The following PRKCQ variants were observed in gnomAD, a reference collection of about 807,000 sequenced individuals.
The protein encoded by PRKCQ is protein kinase C theta, also known as protein kinase C theta type.
A neutral mutation model predicts 91.2 loss-of-function variants in PRKCQ; 41 were observed. The ratio of observed to expected loss-of-function variants is 0.45; its 90% CI spans 0.35 to 0.58. PRKCQ has a LOEUF of 0.58. Among genes scored for constraint, PRKCQ ranks in the 20% least tolerant of loss-of-function variants. The pLI is 0.00. For synonymous variants in PRKCQ, 307 were observed against 316.9 expected (o/e 0.97, Z 0.33); for missense variants, 673 against 896.5 (o/e 0.75, Z 3.18).
chr10:6,502,564 T>G (rs1363462831), intron 4 of PRKCQ, among the ~76,000 whole-genome samples: 1 of 152,216 alleles, frequency 6.6e-6, no homozygotes, highest in Non-Finnish European at 1.5e-5. Context: ...AATTTGCAGA[T>G]GCTGGAACAC....
At chr10:6,492,896 C>T (rs1231034258) in intron 7 of PRKCQ, among the ~76,000 whole-genome samples, 1 of 152,224 alleles carries the variant, frequency 6.6e-6, no homozygotes, top group Non-Finnish European at 1.5e-5. Flanking sequence ...AGCAATAGAT[C>T]TAACGTTCCC....
rs534239659 is a variant in PRKCQ at position 6,488,942 on chromosome 10, C to T, written c.790+2741G>A. On this transcript the variant is annotated intron_variant, in intron 8 of 17. Transcript: ENST00000263125. ...CCACAGGCGTGCACACCACTACACCCGACTAATTTTTTTATTTTTCGTAGA... is the reference window on the plus strand; with the variant it reads ...CCACAGGCGTGCACACCACTACACCTGACTAATTTTTTTATTTTTCGTAGA... 4.6e-5 allele frequency among the ~76,000 whole-genome samples: 7 copies of T among 151,812 alleles called. No individual in the cohort carries two copies. In the East Asian group the frequency reaches 5.8e-4, roughly 13 times the overall value.
At chr10:6,420,565 C>G in the PRKCQ span, among the ~76,000 whole-genome samples, 150,509 of 152,342 alleles carry the variant, frequency 0.99, 74,367 homozygotes, top group East Asian at 1. Context: ...TATATCCTCT[C>G]AATAGCAGGT....
intron 1 of PRKCQ, among the ~76,000 whole-genome samples, chr10:6,521,889 T>TATGTTATGTTATGTG (rs869058903): frequency 6.5e-5 from 9 of 137,732 alleles, no homozygotes; most frequent in African/African-American, 2.6e-4. Context: ...TGATATGTAC[T>TATGTTATGTTATGTG]ATGTTATGTT....
chr10:6,496,153 T>G (rs930967757), intron 7 of PRKCQ, among the ~76,000 whole-genome samples: 16 of 144,020 alleles, frequency 1.1e-4, no homozygotes, highest in African/African-American at 4.3e-4. Flanking sequence ...AAGGTGGAAG[T>G]TGCAGTGAAC....
the PRKCQ span, among the ~76,000 whole-genome samples, chr10:6,419,191 CT>C: frequency 6.6e-6 from 1 of 151,058 alleles, no homozygotes; most frequent in Non-Finnish European, 1.5e-5. Context: ...GTCTATCTCT[CT>C]ATCTCTCTAT....
chr10:6,420,709 C>T, the PRKCQ span, among the ~76,000 whole-genome samples: 2 of 152,190 alleles, frequency 1.3e-5, no homozygotes, highest in East Asian at 1.9e-4. Context: ...TTGAAGACAT[C>T]GTTCCAGTGT....
chr10:6,467,261 TCTGGCCAC>T (rs1275660546), intron 12 of PRKCQ, among the ~76,000 whole-genome samples: 1 of 151,178 alleles, frequency 6.6e-6, no homozygotes, highest in Non-Finnish European at 1.5e-5. Flanking sequence ...CCGTTTAGGT[TCTGGCCAC>T]CTGCTGAGAG....
At chr10:6,444,759 C>T (rs1834164820) in intron 15 of PRKCQ, among the ~76,000 whole-genome samples, 1 of 151,970 alleles carries the variant, frequency 6.6e-6, no homozygotes. Context: ...TGGCGCTACT[C>T]GTATGACATG....
intron 10 of PRKCQ, 61 bp from the exon 11 acceptor site, chr10:6,483,661 T>G: frequency 6.4e-7 from 1 of 1,567,704 alleles, no homozygotes; most frequent in South Asian, 1.1e-5. Context: ...TTCTAGTTAC[T>G]GAGAGCACAT....
intron 14 of PRKCQ, among the ~76,000 whole-genome samples, chr10:6,460,882 C>A (rs1588694334): frequency 6.7e-6 from 1 of 149,952 alleles, no homozygotes; most frequent in Non-Finnish European, 1.5e-5. Context: ...TTACCCATCA[C>A]CCATCCATCC....
chr10:6,454,856 G>C (rs1329327207), intron 15 of PRKCQ, among the ~76,000 whole-genome samples: 3 of 152,144 alleles, frequency 2.0e-5, no homozygotes, highest in Non-Finnish European at 4.4e-5. Context: ...GAATCACGTG[G>C]AGACAAGCAC....
intron 1 of PRKCQ, among the ~76,000 whole-genome samples, chr10:6,575,442 A>T (rs546465785): frequency 6.6e-6 from 1 of 152,182 alleles, no homozygotes; most frequent in East Asian, 1.9e-4. Context: ...CTCAACAACT[A>T]CTCATTTCTG....
At chr10:6,433,506 C>T (rs1210146085) in intron 16 of PRKCQ, among the ~76,000 whole-genome samples, 8 of 152,018 alleles carry the variant, frequency 5.3e-5, no homozygotes, top group African/African-American at 1.4e-4. Flanking sequence ...CTGCAGATCA[C>T]GCATCTTCTA....
At chr10:6,532,289 G>A (rs1463578697) in intron 1 of PRKCQ, among the ~76,000 whole-genome samples, 1 of 152,190 alleles carries the variant, frequency 6.6e-6, no homozygotes, top group Non-Finnish European at 1.5e-5. Context: ...ATAATATGAA[G>A]AGATTAAAAG....
intron 11 of PRKCQ, 133 bp downstream of exon 11, chr10:6,483,307 G>A (rs994488911): frequency 8.9e-5 from 105 of 1,178,058 alleles, no homozygotes; most frequent in Admixed American, 1.1e-4. Context: ...TTTATTCAGC[G>A]CTCCCTCAGG....
In PRKCQ at chr10:6,453,353, T is replaced by A. The variant is rs529107299; in HGVS notation, c.1647+3321A>T. Among the ~76,000 whole-genome samples, 1,297 of 152,022 alleles carry A rather than the reference T, an allele frequency of 8.5e-3. 11 individuals carry two copies. The highest frequency in any genetic ancestry group is 0.03 in the African/African-American group (1,225 of 41,402). On this transcript the variant is annotated intron_variant, in intron 15 of 17. Coordinates refer to ENST00000263125, the MANE Select transcript of PRKCQ (RefSeq NM_006257.5). ...ATCACTGGCCATCAGAGAAATGCAATTCAAAACCACAATGAGATACCATCT... is the reference window on the plus strand; with the variant it reads ...ATCACTGGCCATCAGAGAAATGCAAATCAAAACCACAATGAGATACCATCT...
intron 12 of PRKCQ, among the ~76,000 whole-genome samples, chr10:6,467,385 CAGACAGAGAGAGAG>C (rs1564324330): frequency 3.3e-4 from 13 of 39,492 alleles, no homozygotes; most frequent in East Asian, 2.0e-3. Context: ...CAGAGAGAGA[CAGACAGAGAGAGAG>C]AGAGAGAGAG....
At chr10:6,408,366 GT>G in the PRKCQ span, among the ~76,000 whole-genome samples, 1 of 151,586 alleles carries the variant, frequency 6.6e-6, no homozygotes, top group African/African-American at 2.4e-5. Context: ...GCCACTTTTT[GT>G]TTTTTTTGAG....
Sources: allele counts gnomAD v4.1 joint callset (sites outside exome capture counted in the v4.1 genomes callset), GRCh38; gene constraint gnomAD v4.1.1; transcripts MANE v1.5; gene names NCBI Gene and HGNC (gene_info 2026-07-23, HGNC 2026-07-21).